The following CPNE4 variants were observed in gnomAD, a reference collection of about 807,000 sequenced individuals.
The protein encoded by CPNE4 is copine 4.
In CPNE4, 25 loss-of-function variants were observed where a neutral mutation model predicts 67.9. The observed-to-expected ratio is 0.37, with a 90% CI of 0.27 to 0.51. The LOEUF is 0.51. Among genes scored for constraint, CPNE4 ranks in the 20% least tolerant of loss-of-function variants. The probability of loss-of-function intolerance (pLI) is 0.93; values close to 1 mark genes in which losing one functional copy is unlikely to be tolerated. For missense variants in CPNE4, 464 were observed against 690.8 expected (o/e 0.67, Z 3.68); for synonymous variants, 242 against 244.9 (o/e 0.99, Z 0.11).
intron 1 of CPNE4, among the ~76,000 whole-genome samples, chr3:131,946,350 T>C (rs1187187339): frequency 6.6e-6 from 1 of 152,238 alleles, no homozygotes; most frequent in Non-Finnish European, 1.5e-5. Flanking sequence ...CATGTATCAG[T>C]ACTTTATTCC....
chr3:131,703,296 A>T (rs1390780810), intron 3 of CPNE4, among the ~76,000 whole-genome samples: 1 of 152,224 alleles, frequency 6.6e-6, no homozygotes, highest in East Asian at 1.9e-4. Flanking sequence ...GTTAAAAGGG[A>T]TCCATTTGTC....
intron 7 of CPNE4, among the ~76,000 whole-genome samples, chr3:131,668,279 C>A (rs915890545): frequency 6.6e-6 from 1 of 152,118 alleles, no homozygotes; most frequent in Non-Finnish European, 1.5e-5. Context: ...ATCAATGAAT[C>A]AAAAAATTGT....
At chr3:131,606,889 A>G (rs1939542123) in intron 7 of CPNE4, among the ~76,000 whole-genome samples, 1 of 151,890 alleles carries the variant, frequency 6.6e-6, no homozygotes, top group African/African-American at 2.4e-5. Context: ...TTCAGTTCCC[A>G]GAAGCTTATT....
At chr3:131,764,208 G>T (rs2082954051) in intron 2 of CPNE4, among the ~76,000 whole-genome samples, 1 of 151,760 alleles carries the variant, frequency 6.6e-6, no homozygotes, top group Non-Finnish European at 1.5e-5. Flanking sequence ...CTCAAAATAT[G>T]CAGGTGGGTG....
chr3:132,005,336 TATATATACACACACACACAC>T (rs1459936913), intron 1 of CPNE4, among the ~76,000 whole-genome samples: 1 of 24,358 alleles, frequency 4.1e-5, no homozygotes, highest in African/African-American at 1.5e-4. Flanking sequence ...TATATATATA[TATATATACACACACACACAC>T]ACACACACAC....
At chr3:132,037,370 TAC>T (rs923861006), upstream of CPNE4, among the ~76,000 whole-genome samples, 2 of 152,214 alleles carry the variant, frequency 1.3e-5, no homozygotes, top group African/African-American at 4.8e-5. Flanking sequence ...AGAAGCTTTT[TAC>T]AGGGCACATA....
At chr3:131,901,939 G>A (rs1044656033) in intron 2 of CPNE4, among the ~76,000 whole-genome samples, 1 of 152,064 alleles carries the variant, frequency 6.6e-6, no homozygotes, top group Non-Finnish European at 1.5e-5. Context: ...ACACATGACT[G>A]CTCCAGCCCT....
At chr3:131,814,622 T>G (rs1318626029) in intron 2 of CPNE4, among the ~76,000 whole-genome samples, 1 of 91,758 alleles carries the variant, frequency 1.1e-5, no homozygotes, top group Non-Finnish European at 1.9e-5. Flanking sequence ...TTTTTTTTTT[T>G]GAGACGGAGT....
chr3:131,972,637 A>C (rs1222261873), intron 1 of CPNE4, among the ~76,000 whole-genome samples: 1 of 152,198 alleles, frequency 6.6e-6, no homozygotes, highest in Non-Finnish European at 1.5e-5. Context: ...AACAGGACCT[A>C]GTTGAAGACA....
intron 2 of CPNE4, among the ~76,000 whole-genome samples, chr3:131,816,199 T>A (rs1022751135): frequency 2.0e-5 from 3 of 152,168 alleles, no homozygotes; most frequent in African/African-American, 7.2e-5. Context: ...TTAAAGACTT[T>A]TCCAAGTTTA....
intron 2 of CPNE4, among the ~76,000 whole-genome samples, chr3:131,806,320 G>A (rs548264292): frequency 2.6e-5 from 4 of 152,284 alleles, no homozygotes; most frequent in African/African-American, 9.6e-5. Context: ...GGAGCCCGAG[G>A]CGGGTAGATC....
chr3:131,653,018 G>C (rs747176266), intron 7 of CPNE4, among the ~76,000 whole-genome samples: 2 of 152,060 alleles, frequency 1.3e-5, no homozygotes, highest in African/African-American at 4.8e-5. Context: ...TTTCATCCAC[G>C]TGACCAATAG....
intron 2 of CPNE4, among the ~76,000 whole-genome samples, chr3:131,891,903 AAG>A (rs1462678495): frequency 2.6e-5 from 4 of 152,106 alleles, no homozygotes; most frequent in Non-Finnish European, 5.9e-5. Context: ...CCTCCACAAA[AAG>A]AGACAAAAAC....
intron 14 of CPNE4, chr3:131,543,113 G>C: frequency 4.3e-6 from 1 of 229,892 alleles, no homozygotes; most frequent in African/African-American, 2.3e-5. Context: ...CCCTTAACTC[G>C]TCTGTGTCTG....
intron 2 of CPNE4, among the ~76,000 whole-genome samples, chr3:131,870,685 G>C (rs1355142267): frequency 6.6e-6 from 1 of 151,916 alleles, no homozygotes; most frequent in Non-Finnish European, 1.5e-5. Flanking sequence ...TAGTTTTGTT[G>C]GGACATATTG....
intron 2 of CPNE4, among the ~76,000 whole-genome samples, chr3:131,730,642 T>C (rs1332903019): frequency 6.6e-6 from 1 of 152,190 alleles, no homozygotes; most frequent in African/African-American, 2.4e-5. Context: ...ATGGGAAATT[T>C]TGACACAGAC....
intron 6 of CPNE4, among the ~76,000 whole-genome samples, chr3:131,678,075 T>C (rs867345103): frequency 6.6e-6 from 1 of 152,198 alleles, no homozygotes; most frequent in Admixed American, 6.6e-5. Context: ...ATGGAATAAT[T>C]TGCCATTTCT....
At chr3:131,597,668 A>AT (rs1192905004) in intron 7 of CPNE4, among the ~76,000 whole-genome samples, 10 of 152,184 alleles carry the variant, frequency 6.6e-5, no homozygotes, top group Non-Finnish European at 1.3e-4. Context: ...TAAAATTTTT[A>AT]TTTTTTTATG....
chr3:131,850,150 A>T (rs963460400), intron 2 of CPNE4, among the ~76,000 whole-genome samples: 11 of 151,916 alleles, frequency 7.2e-5, no homozygotes, highest in Admixed American at 2.6e-4. Flanking sequence ...ACATTTTTAA[A>T]TTTTTTTTGC....
Sources: gnomAD v4.1 joint callset for allele counts (sites outside exome capture counted in the v4.1 genomes callset) on GRCh38, gnomAD v4.1.1 for gene constraint, MANE v1.5 for transcripts, NCBI Gene and HGNC (gene_info 2026-07-23, HGNC 2026-07-21) for gene names.